The following DMXL2 variants were observed in gnomAD, a reference collection of about 807,000 sequenced individuals.
DMXL2 encodes dmX-like protein 2.
A neutral mutation model predicts 331.1 loss-of-function variants in DMXL2; 103 were observed. The observed-to-expected ratio is 0.31, with a 90% CI of 0.27 to 0.37. The LOEUF is 0.37. Among genes scored for constraint, DMXL2 ranks in the 10% least tolerant of loss-of-function variants. The pLI is 1.00. For synonymous variants in DMXL2, 1,281 were observed against 1,252.1 expected (o/e 1.02, Z -0.49); for missense variants, 3,171 against 3,642.9 (o/e 0.87, Z 3.33).
intron 41 of DMXL2, 54 bp downstream of exon 41, chr15:51,453,496 G>C (rs1334315639): frequency 8.1e-6 from 11 of 1,354,172 alleles, no homozygotes; most frequent in Admixed American, 2.1e-5. Flanking sequence ...TCTTGCTAAA[G>C]GTATGGATTT....
chr15:51,492,195 G>C (rs766531526), intron 19 of DMXL2, among the ~76,000 whole-genome samples: 1 of 152,198 alleles, frequency 6.6e-6, no homozygotes. Flanking sequence ...CACAAGGTGT[G>C]TTATCCCCCA....
At chr15:51,476,560 T>A (rs1180745968) in intron 27 of DMXL2, 29 bp downstream of exon 27, 2 of 1,548,760 alleles carry the variant, frequency 1.3e-6, no homozygotes, top group Non-Finnish European at 1.7e-6. Context: ...ACTAGAAGAT[T>A]TTTTTTTTTT....
intron 16 of DMXL2, among the ~76,000 whole-genome samples, chr15:51,505,513 G>A (rs973727147): frequency 6.6e-6 from 1 of 152,220 alleles, no homozygotes; most frequent in African/African-American, 2.4e-5. Flanking sequence ...TCTGCTGGGT[G>A]AATCTCTTCC....
intron 15 of DMXL2, among the ~76,000 whole-genome samples, chr15:51,512,098 G>A (rs1373275248): frequency 1.3e-5 from 2 of 151,906 alleles, no homozygotes; most frequent in East Asian, 1.9e-4. Context: ...GTAGATGATG[G>A]GTTGATAGGT....
intron 1 of DMXL2, among the ~76,000 whole-genome samples, chr15:51,617,620 T>C (rs1380785411): frequency 2.0e-5 from 3 of 152,258 alleles, no homozygotes; most frequent in African/African-American, 4.8e-5. Context: ...AACCACTTTA[T>C]GTTTCTAGTC....
At chr15:51,471,881 T>C (rs946692228) in intron 28 of DMXL2, among the ~76,000 whole-genome samples, 5 of 152,140 alleles carry the variant, frequency 3.3e-5, no homozygotes, top group African/African-American at 1.2e-4. Context: ...ACAGGAGTCA[T>C]GGAGGGAAGT....
At chr15:51,614,526 A>G (rs934307075) in intron 1 of DMXL2, among the ~76,000 whole-genome samples, 9 of 152,174 alleles carry the variant, frequency 5.9e-5, no homozygotes, top group Non-Finnish European at 1.0e-4. Flanking sequence ...ACAGCTTTAC[A>G]CCTATATTAT....
At chr15:51,508,537 TGAA>T (rs2046552776) in intron 15 of DMXL2, among the ~76,000 whole-genome samples, 1 of 152,200 alleles carries the variant, frequency 6.6e-6, no homozygotes, top group Non-Finnish European at 1.5e-5. Flanking sequence ...TGCAACTGAC[TGAA>T]ATATCCTACA....
At chr15:51,463,977 G>T (rs2040349838) in intron 32 of DMXL2, among the ~76,000 whole-genome samples, 1 of 151,980 alleles carries the variant, frequency 6.6e-6, no homozygotes, top group Non-Finnish European at 1.5e-5. Flanking sequence ...GACCTAGATT[G>T]GCAGGTAAAA....
At position 51,521,366 on chromosome 15, in the gene DMXL2, AC is replaced by A. The variant is rs200513750; in HGVS notation, c.2437-4200del. Among the ~76,000 whole-genome samples, 801 of 151,788 alleles carry A rather than the reference AC, an allele frequency of 5.3e-3. 9 individuals are homozygous for A. The highest frequency in any genetic ancestry group is 0.018 in the African/African-American group (744 of 41,414). The stretch of plus-strand genomic sequence containing the variant: ...GGTTAAGTGAGTTAATATATATAAA[AC>A]ATTTAGAAGACAGCCTGACATACAA... On this transcript the variant is annotated intron_variant, in intron 13 of 43. Transcript: ENST00000560891.
In DMXL2 at chr15:51,535,779, A is replaced by AT; in HGVS notation, c.2319dup (p.Tyr774IlefsTer13). 6.2e-7 allele frequency: 1 copy of AT among 1,605,564 alleles called. No individual in the cohort carries two copies. Among genetic ancestry groups the AT allele is most frequent in the Non-Finnish European group, 8.5e-7 (1 of 1,176,772 alleles). On this transcript the variant is annotated frameshift_variant, in exon 13 of 44. Coordinates refer to ENST00000560891, the MANE Select transcript of DMXL2 (RefSeq NM_001378457.1). LOFTEE classifies it high-confidence loss of function. ...AAGCAAGCACTTGCAGAATTGCAGT[A>AT]TGTGCCTGAGAAAGGAAAACAAGGC...
At chr15:51,561,660 G>C (rs577261856) in intron 6 of DMXL2, among the ~76,000 whole-genome samples, 1 of 152,246 alleles carries the variant, frequency 6.6e-6, no homozygotes, top group South Asian at 2.1e-4. Context: ...CTACCATACA[G>C]TTCATCAATC....
chr15:51,585,901 C>T (rs2051783384), intron 1 of DMXL2, among the ~76,000 whole-genome samples: 2 of 152,142 alleles, frequency 1.3e-5, no homozygotes, highest in Non-Finnish European at 2.9e-5. Flanking sequence ...CAAACCCTTA[C>T]CATTATTAAC....
At chr15:51,525,151 A>G (rs2047598395) in intron 13 of DMXL2, among the ~76,000 whole-genome samples, 2 of 151,926 alleles carry the variant, frequency 1.3e-5, no homozygotes, top group Non-Finnish European at 2.9e-5. Flanking sequence ...CCTGGGCCAG[A>G]AAGGAATCCA....
rs542829730 is a variant in DMXL2, at chr15:51,474,529, A to C, written c.7028T>G (p.Ile2343Ser). 1 of 1,614,140 alleles carries C rather than the reference A, an allele frequency of 6.2e-7. No homozygotes were observed. The highest frequency in any genetic ancestry group is 2.2e-5 in the East Asian group (1 of 44,874). The stretch of plus-strand genomic sequence containing the variant: ...AGCAACAACAGCTTCACATAGCAAA[A>C]TGTTCAGTTTTGGCTGGTCTTCATC... ...AQDEDQPKLNILLCEAVVAVY... is the reference protein window; with the variant it reads ...AQDEDQPKLNSLLCEAVVAVY... Residue 2343 changes from isoleucine to serine, a missense_variant, in exon 28 of 44, where the codon ATT (isoleucine) becomes AGT (serine). Transcript: ENST00000560891.
At chr15:51,557,035 C>G (rs1199053046) in intron 6 of DMXL2, among the ~76,000 whole-genome samples, 1 of 147,934 alleles carries the variant, frequency 6.8e-6, no homozygotes, top group African/African-American at 2.5e-5. Flanking sequence ...GCTAGAGGTC[C>G]TAGACACTGC....
rs749088846 is a variant in DMXL2 at position 51,502,816 on chromosome 15, C to T, written c.2982G>A (p.Thr994=). 1.8e-5 allele frequency: 29 copies of T among 1,613,412 alleles called. No homozygotes were observed. Among genetic ancestry groups the T allele is most frequent in the African/African-American group, 2.7e-5 (2 of 74,892 alleles). Residue 994 remains threonine, a synonymous_variant, in exon 17 of 44, where the codon ACG becomes ACA. Transcript: ENST00000560891. Reference sequence around the variant, plus strand: ...TTAAAGTGACCTTACCTGCTGAAGGCGTTGCTCTTATTACTTCAACTGATT... The same window carrying T: ...TTAAAGTGACCTTACCTGCTGAAGGTGTTGCTCTTATTACTTCAACTGATT... The part of the protein sequence containing the change: ...LPESVEVIRA[T]PSAGHLSSSS...
chr15:51,592,147 C>T (rs528782296), intron 1 of DMXL2, among the ~76,000 whole-genome samples: 1 of 151,658 alleles, frequency 6.6e-6, no homozygotes, highest in South Asian at 2.1e-4. Flanking sequence ...GAACCCATGG[C>T]AAAGAAGTTA....
chr15:51,580,226 A>G (rs2051314959), intron 1 of DMXL2, among the ~76,000 whole-genome samples: 1 of 152,212 alleles, frequency 6.6e-6, no homozygotes. Context: ...ATTCTTTTTC[A>G]GAATCTAGTT....
Sources: allele counts gnomAD v4.1 joint callset (sites outside exome capture counted in the v4.1 genomes callset), GRCh38; gene constraint gnomAD v4.1.1; transcripts MANE v1.5; gene names NCBI Gene and HGNC (gene_info 2026-07-23, HGNC 2026-07-21).